Variants in TINAG observed in about 807,000 individuals in gnomAD.
TINAG encodes tubulointerstitial nephritis antigen.
In TINAG, 83 loss-of-function variants were observed where a neutral mutation model predicts 72.7. The observed-to-expected ratio is 1.14, with a 90% CI of 0.96 to 1.37. The LOEUF is 1.37. TINAG is among the 40% of genes most tolerant of loss of function. The pLI is 0.00. For missense variants in TINAG, 685 were observed against 576.6 expected (o/e 1.19, Z -1.93); for synonymous variants, 234 against 189.9 (o/e 1.23, Z -1.91).
intron 9 of TINAG, among the ~76,000 whole-genome samples, chr6:54,361,296 C>CT (rs780918656): frequency 1.1e-4 from 16 of 151,604 alleles, no homozygotes; most frequent in Non-Finnish European, 1.8e-4. Context: ...CTATAAAGAA[C>CT]TACCTGAGAC....
At chr6:54,370,306 G>A (rs1763564519) in intron 9 of TINAG, among the ~76,000 whole-genome samples, 1 of 151,944 alleles carries the variant, frequency 6.6e-6, no homozygotes, top group Non-Finnish European at 1.5e-5. Context: ...TATTGTGGGT[G>A]TATTAAAGGT....
intron 9 of TINAG, among the ~76,000 whole-genome samples, chr6:54,374,935 C>T (rs1259262880): frequency 6.6e-6 from 1 of 151,944 alleles, no homozygotes; most frequent in African/African-American, 2.4e-5. Flanking sequence ...TCTATATTCA[C>T]TAATACAGAG....
intron 5 of TINAG, among the ~76,000 whole-genome samples, chr6:54,345,501 T>C (rs1417683030): frequency 6.6e-6 from 1 of 152,100 alleles, no homozygotes; most frequent in African/African-American, 2.4e-5. Flanking sequence ...GGCTTCCAAC[T>C]TCTGGATTAC....
At chr6:54,307,959 C>T (rs16885194), upstream of TINAG, 35 of 1,367,434 alleles carry the variant, frequency 2.6e-5, no homozygotes, top group Middle Eastern at 1.8e-4. Context: ...GAAATCAAAA[C>T]GCTTCTGGTA....
chr6:54,308,115 G>A, upstream of TINAG: 4 of 1,549,642 alleles, frequency 2.6e-6, no homozygotes, highest in African/African-American at 1.4e-5. Context: ...ACGAATAATT[G>A]CATTTTTGAC....
chr6:54,349,684 A>G (rs1370003470), intron 6 of TINAG, 32 bp from the exon 7 acceptor site: 1 of 1,504,416 alleles, frequency 6.6e-7, no homozygotes, highest in Non-Finnish European at 9.0e-7. Context: ...TCTCCTAAAT[A>G]TTACCTTTGC....
At chr6:54,372,747 TATATATATATATATATATATATATAC>T (rs1344081062) in intron 9 of TINAG, among the ~76,000 whole-genome samples, 1 of 10,752 alleles carries the variant, frequency 9.3e-5, no homozygotes, top group Non-Finnish European at 4.6e-4. Context: ...TATATATATA[TATATATATATATATATATATATATAC>T]ACACACACAC....
intron 4 of TINAG, among the ~76,000 whole-genome samples, chr6:54,328,025 C>T (rs1784649118): frequency 6.6e-6 from 1 of 152,156 alleles, no homozygotes; most frequent in African/African-American, 2.4e-5. Context: ...GGGGAAGGGG[C>T]AGCTGTGGGA....
In TINAG at chr6:54,354,544, T is replaced by C; in HGVS notation, c.1158T>C (p.His386=). ...AIMQVREDFF[H]YKTGIYRHVT... Reference sequence around the variant, plus strand: ...TGCAAGTCCGTGAAGATTTCTTCCATTATAAGACAGGGATATACAGACATG... The same window carrying C: ...TGCAAGTCCGTGAAGATTTCTTCCACTATAAGACAGGGATATACAGACATG... The change falls in exon 9 of 11, where the codon CAT becomes CAC. Residue 386 remains histidine, a synonymous_variant. Coordinates refer to ENST00000259782, the MANE Select transcript of TINAG (RefSeq NM_014464.4). The C allele has an allele frequency of 1.2e-6, 2 of 1,607,846 alleles. No individual in the cohort carries two copies. Among genetic ancestry groups the C allele is most frequent in the Non-Finnish European group, 1.7e-6 (2 of 1,176,840 alleles).
intron 9 of TINAG, among the ~76,000 whole-genome samples, chr6:54,376,751 C>T (rs77904993): frequency 0.011 from 1,697 of 152,150 alleles, 34 homozygotes; most frequent in African/African-American, 0.039. Flanking sequence ...GTTTTAATAC[C>T]TTACTCTGCA....
intron 9 of TINAG, among the ~76,000 whole-genome samples, chr6:54,377,964 T>C (rs1482997439): frequency 6.6e-6 from 1 of 151,918 alleles, no homozygotes; most frequent in Non-Finnish European, 1.5e-5. Flanking sequence ...AACCCGCAGA[T>C]CTATTTTTTT....
intron 1 of TINAG, among the ~76,000 whole-genome samples, chr6:54,317,788 G>T (rs1784406383): frequency 6.6e-6 from 1 of 152,008 alleles, no homozygotes; most frequent in Admixed American, 6.6e-5. Flanking sequence ...ATGTCTGAAA[G>T]AAAAATTTAC....
chr6:54,338,687 G>A (rs1384513990), intron 4 of TINAG, among the ~76,000 whole-genome samples: 1 of 127,546 alleles, frequency 7.8e-6, no homozygotes, highest in African/African-American at 3.1e-5. Flanking sequence ...TCCCGCCACT[G>A]CACTCCCAGG....
chr6:54,375,989 A>G (rs565661067), intron 9 of TINAG, among the ~76,000 whole-genome samples: 3 of 152,200 alleles, frequency 2.0e-5, no homozygotes, highest in South Asian at 2.1e-4. Context: ...TTCATTCTCC[A>G]CCACTCCCAT....
At chr6:54,343,535 T>A (rs1254677381) in intron 5 of TINAG, among the ~76,000 whole-genome samples, 186 bp downstream of exon 5, 3 of 130,860 alleles carry the variant, frequency 2.3e-5, no homozygotes, top group African/African-American at 9.9e-5. Context: ...GTCTAAAAGT[T>A]TTTTTTTTTT....
At chr6:54,327,945 G>A (rs1184911566) in intron 4 of TINAG, among the ~76,000 whole-genome samples, 4 of 152,154 alleles carry the variant, frequency 2.6e-5, no homozygotes, top group African/African-American at 9.7e-5. Flanking sequence ...GGGCATCTTT[G>A]AAAGAAAGGC....
chr6:54,313,317 T>C (rs1324420433), intron 1 of TINAG, among the ~76,000 whole-genome samples: 1 of 152,116 alleles, frequency 6.6e-6, no homozygotes, highest in African/African-American at 2.4e-5. Context: ...TTCCTGTTAT[T>C]TAAATATAGT....
At chr6:54,317,510 T>A (rs1287511507) in intron 1 of TINAG, among the ~76,000 whole-genome samples, 2 of 152,140 alleles carry the variant, frequency 1.3e-5, no homozygotes, top group African/African-American at 4.8e-5. Context: ...CCATATAAAA[T>A]GTCTCTTTGC....
chr6:54,348,633 C>T (rs1159721621), intron 6 of TINAG, among the ~76,000 whole-genome samples: 1 of 151,970 alleles, frequency 6.6e-6, no homozygotes, highest in East Asian at 1.9e-4. Flanking sequence ...CTTATAAGGG[C>T]ACTAATCGTA....
Sources: allele counts gnomAD v4.1 joint callset (sites outside exome capture counted in the v4.1 genomes callset), GRCh38; gene constraint gnomAD v4.1.1; transcripts MANE v1.5; gene names NCBI Gene and HGNC (gene_info 2026-07-23, HGNC 2026-07-21).